The following FHIP1A variants were observed in gnomAD, a reference collection of about 807,000 sequenced individuals.
FHIP1A encodes FHF complex subunit HOOK interacting protein 1A, also known as FHF complex subunit HOOK-interacting protein 1A.
Under a neutral mutation model 88.6 loss-of-function variants are expected in FHIP1A, and 61 were observed. That is an observed-to-expected ratio of 0.69 (90% CI 0.56 to 0.85). FHIP1A has a LOEUF of 0.85. Ranked by LOEUF, FHIP1A falls within the 40% of genes least tolerant of loss-of-function variation. The pLI is 0.00. For synonymous variants in FHIP1A, 478 were observed against 496.0 expected, an observed-to-expected ratio of 0.96 and a Z score of 0.48; for missense variants, 1,154 against 1,273.5, an observed-to-expected ratio of 0.91 and a Z score of 1.43.
intron 3 of FHIP1A, among the ~76,000 whole-genome samples, chr4:151,559,697 T>C (rs937781199): frequency 6.6e-6 from 1 of 152,192 alleles, no homozygotes; most frequent in Non-Finnish European, 1.5e-5. Flanking sequence ...TAGGGTCTTT[T>C]CAATCATTTA....
chr4:151,591,093 C>CTTTTT (rs552966792), intron 7 of FHIP1A, among the ~76,000 whole-genome samples: 1 of 140,842 alleles, frequency 7.1e-6, no homozygotes, highest in African/African-American at 2.6e-5. Flanking sequence ...TGTTGGTTTG[C>CTTTTT]TTTTTTTTTT....
At chr4:151,503,692 A>C (rs564664913) in intron 3 of FHIP1A, among the ~76,000 whole-genome samples, 1 of 152,340 alleles carries the variant, frequency 6.6e-6, no homozygotes, top group East Asian at 1.9e-4. Context: ...ACAAATGAAA[A>C]AAATGCTGAA....
chr4:151,431,268 A>T (rs1395626630), intron 1 of FHIP1A, among the ~76,000 whole-genome samples: 5 of 152,138 alleles, frequency 3.3e-5, no homozygotes, highest in Admixed American at 3.3e-4. Context: ...AACCTGAATC[A>T]GTGAGTTAAT....
intron 3 of FHIP1A, among the ~76,000 whole-genome samples, chr4:151,533,320 C>T (rs1052204666): frequency 5.3e-5 from 8 of 151,852 alleles, no homozygotes; most frequent in African/African-American, 7.3e-5. Flanking sequence ...GGCACCTAGG[C>T]GGGAGGATTG....
chr4:151,638,564 C>CT (rs1736451406), intron 8 of FHIP1A, 113 bp from the exon 9 acceptor site: 4 of 526,644 alleles, frequency 7.6e-6, no homozygotes, highest in African/African-American at 4.6e-5. Context: ...ATCAAAACTG[C>CT]TAAAAAAAAA....
intron 3 of FHIP1A, among the ~76,000 whole-genome samples, chr4:151,539,839 T>C (rs1732212825): frequency 6.6e-6 from 1 of 152,208 alleles, no homozygotes; most frequent in African/African-American, 2.4e-5. Context: ...AGGAAATTGT[T>C]TATTTTGATG....
intron 8 of FHIP1A, among the ~76,000 whole-genome samples, chr4:151,634,261 AAAG>A (rs1185370761): frequency 6.6e-6 from 1 of 151,868 alleles, no homozygotes; most frequent in Non-Finnish European, 1.5e-5. Flanking sequence ...GAAAGAAATG[AAAG>A]AAGAACAAAT....
chr4:151,577,796 C>T lies in FHIP1A; in HGVS notation c.452C>T (p.Ser151Leu). The T allele has an allele frequency of 6.4e-7, 1 of 1,552,014 alleles. No homozygotes were observed. The highest frequency in any genetic ancestry group is 1.2e-5 in the South Asian group (1 of 84,044). The change falls in exon 5 of 14, where the codon TCA (serine) becomes TTA (leucine). Residue 151 changes from serine to leucine, a missense_variant. Coordinates refer to ENST00000435205, the MANE Select transcript of FHIP1A (RefSeq NM_001109977.3). ...CTGATGATGTTGCTGAGCTCTTGTTCAGGAACAACCACCCCCACTGTGGAG... is the reference window on the plus strand; with the variant it reads ...CTGATGATGTTGCTGAGCTCTTGTTTAGGAACAACCACCCCCACTGTGGAG... The part of the protein sequence containing the change: ...KPLMMLLSSC[S>L]GTTTPTVEEK...
At chr4:151,438,130 AT>A (rs1444950480) in intron 1 of FHIP1A, among the ~76,000 whole-genome samples, 1 of 151,692 alleles carries the variant, frequency 6.6e-6, no homozygotes, top group Non-Finnish European at 1.5e-5. Context: ...AGATGTGTTT[AT>A]TAAGATTTAC....
chr4:151,604,509 C>T (rs875668), intron 7 of FHIP1A, among the ~76,000 whole-genome samples: 42,895 of 152,036 alleles, frequency 0.28, 6,333 homozygotes, highest in Non-Finnish European at 0.33. Flanking sequence ...GCAGTTTTGG[C>T]ATGAAATCAT....
chr4:151,559,572 G>C (rs372310192), intron 3 of FHIP1A, among the ~76,000 whole-genome samples: 60 of 152,160 alleles, frequency 3.9e-4, no homozygotes, highest in African/African-American at 1.4e-3. Context: ...ATATATTTTG[G>C]CAGCCTTATC....
At chr4:151,415,883 A>G (rs1732872206) in intron 1 of FHIP1A, among the ~76,000 whole-genome samples, 1 of 151,776 alleles carries the variant, frequency 6.6e-6, no homozygotes, top group Admixed American at 6.6e-5. Flanking sequence ...AATTGGTAAC[A>G]GCTATAAAAA....
rs142993818 is a variant in FHIP1A at position 151,558,532 on chromosome 4, CAAACAAAACA to C, written c.-122-7588_-122-7579del. Among the ~76,000 whole-genome samples the C allele has an allele frequency of 7.7e-4, 117 of 151,178 alleles. 3 individuals are homozygous for C. The East Asian group carries it at 9.0e-3, about 12-fold the overall frequency. The stretch of plus-strand genomic sequence containing the variant: ...CTGATAACAGAGCAACATCCTGTCT[CAAACAAAACA>C]AAACAAAACAAAACAAACAAACAGA... On this transcript the variant is annotated intron_variant, in intron 3 of 13. Coordinates refer to ENST00000435205, the MANE Select transcript of FHIP1A (RefSeq NM_001109977.3).
intron 3 of FHIP1A, among the ~76,000 whole-genome samples, chr4:151,490,741 T>A (rs778402661): frequency 6.8e-6 from 1 of 147,598 alleles, no homozygotes; most frequent in African/African-American, 2.5e-5. Flanking sequence ...TTAAAGAAAT[T>A]AAAAAAAAAA....
intron 10 of FHIP1A, among the ~76,000 whole-genome samples, chr4:151,648,513 T>C (rs1409977976): frequency 6.6e-6 from 1 of 152,090 alleles, no homozygotes; most frequent in Non-Finnish European, 1.5e-5. Context: ...ATTTAGAGCA[T>C]GAAGAGACGT....
chr4:151,513,802 G>T (rs1731124607), intron 3 of FHIP1A, among the ~76,000 whole-genome samples: 1 of 150,910 alleles, frequency 6.6e-6, no homozygotes, highest in East Asian at 1.9e-4. Flanking sequence ...GATTCATAAA[G>T]CAAGTCCTGA....
intron 3 of FHIP1A, among the ~76,000 whole-genome samples, chr4:151,516,182 C>G (rs946671457): frequency 7.9e-5 from 12 of 152,056 alleles, no homozygotes; most frequent in East Asian, 1.9e-4. Context: ...ACAAACCTGA[C>G]AAAAACAAGC....
intron 3 of FHIP1A, among the ~76,000 whole-genome samples, chr4:151,501,296 G>T (rs1054398991): frequency 6.6e-6 from 1 of 152,122 alleles, no homozygotes; most frequent in Non-Finnish European, 1.5e-5. Context: ...TCCTGAAATT[G>T]CTGGGTTATG....
At chr4:151,648,834 G>T (rs1736889157) in intron 10 of FHIP1A, among the ~76,000 whole-genome samples, 1 of 151,374 alleles carries the variant, frequency 6.6e-6, no homozygotes, top group African/African-American at 2.5e-5. Flanking sequence ...AGCTATTTCA[G>T]TAGTGAAGTT....
Sources: gnomAD v4.1 joint callset for allele counts (sites outside exome capture counted in the v4.1 genomes callset) on GRCh38, gnomAD v4.1.1 for gene constraint, MANE v1.5 for transcripts, NCBI Gene and HGNC (gene_info 2026-07-23, HGNC 2026-07-21) for gene names.